Variants in MYO16 observed in about 807,000 individuals in gnomAD.
MYO16 encodes unconventional myosin-XVI.
A neutral mutation model predicts 205.3 loss-of-function variants in MYO16; 94 were observed. That is an observed-to-expected ratio of 0.46 (90% CI 0.39 to 0.54). The LOEUF (loss-of-function observed/expected upper bound fraction) is 0.54, where lower values mean the gene tolerates loss of function less well. Ranked by LOEUF, MYO16 falls within the 20% of genes least tolerant of loss-of-function variation. The probability of loss-of-function intolerance (pLI) is 0.00; values close to 1 mark genes in which losing one functional copy is unlikely to be tolerated. For missense variants in MYO16, 2,315 were observed against 2,387.5 expected (o/e 0.97, Z 0.63); for synonymous variants, 988 against 954.0 (o/e 1.04, Z -0.66).
chr13:108,838,690 T>TATACACACACAC (rs1487944143), intron 9 of MYO16, among the ~76,000 whole-genome samples: 2 of 135,904 alleles, frequency 1.5e-5, no homozygotes, highest in African/African-American at 5.6e-5. Flanking sequence ...TATATATATA[T>TATACACACACAC]ACACACACAC....
chr13:108,990,738 T>C (rs929117016), intron 20 of MYO16, among the ~76,000 whole-genome samples: 23 of 152,156 alleles, frequency 1.5e-4, no homozygotes, highest in Non-Finnish European at 1.5e-5. Context: ...TAAAAAATTC[T>C]CTCCCTCCTA....
chr13:109,171,440 T>A (rs1878918020), intron 33 of MYO16, among the ~76,000 whole-genome samples: 1 of 152,248 alleles, frequency 6.6e-6, no homozygotes, highest in Non-Finnish European at 1.5e-5. Flanking sequence ...GAAACATTTC[T>A]CTTTTGAATG....
intron 28 of MYO16, among the ~76,000 whole-genome samples, chr13:109,116,313 C>T (rs1358831679): frequency 6.6e-6 from 1 of 152,074 alleles, no homozygotes. Flanking sequence ...TTGGTTGTAC[C>T]TCAGCAGTGC....
chr13:108,516,595 C>G, the MYO16 span, among the ~76,000 whole-genome samples: 19,416 of 152,182 alleles, frequency 0.13, 1,400 homozygotes, highest in East Asian at 0.23. Context: ...GCACACGTAA[C>G]AAATTAGTAT....
At chr13:108,623,435 TAGA>T (rs902475887) in intron 1 of MYO16, among the ~76,000 whole-genome samples, 3 of 152,190 alleles carry the variant, frequency 2.0e-5, no homozygotes, top group Admixed American at 6.5e-5. Flanking sequence ...GGAATTCATT[TAGA>T]AGAAGAAAGT....
chr13:108,754,945 G>A (rs772465087), intron 4 of MYO16, among the ~76,000 whole-genome samples: 48 of 151,888 alleles, frequency 3.2e-4, no homozygotes, highest in Middle Eastern at 3.4e-3. Flanking sequence ...TACGTAATAA[G>A]TATGATGAAT....
chr13:109,084,419 G>T (rs1199343992), intron 27 of MYO16, among the ~76,000 whole-genome samples: 1 of 151,936 alleles, frequency 6.6e-6, no homozygotes, highest in Non-Finnish European at 1.5e-5. Context: ...TTACATTGTC[G>T]ATACCCTTTA....
At chr13:108,747,169 T>C (rs990879992) in intron 4 of MYO16, among the ~76,000 whole-genome samples, 1 of 152,158 alleles carries the variant, frequency 6.6e-6, no homozygotes, top group African/African-American at 2.4e-5. Context: ...AAATAAGTTG[T>C]TAAACAACAT....
At chr13:108,657,518 T>G (rs1299030415) in intron 1 of MYO16, among the ~76,000 whole-genome samples, 2 of 152,192 alleles carry the variant, frequency 1.3e-5, no homozygotes, top group African/African-American at 4.8e-5. Flanking sequence ...GGAAAGATGA[T>G]TCTACATTTT....
chr13:108,854,422 A>C (rs1016627384), intron 10 of MYO16, among the ~76,000 whole-genome samples: 1 of 152,166 alleles, frequency 6.6e-6, no homozygotes. Flanking sequence ...TCCTAAATTT[A>C]GTTTTATTAA....
chr13:108,768,232 G>A (rs1041755949), intron 4 of MYO16, among the ~76,000 whole-genome samples: 4 of 152,044 alleles, frequency 2.6e-5, no homozygotes, highest in Non-Finnish European at 5.9e-5. Flanking sequence ...GCTCCTTTGT[G>A]TTCCTATTAC....
the MYO16 span, among the ~76,000 whole-genome samples, chr13:108,495,780 C>T: frequency 6.6e-6 from 1 of 151,230 alleles, no homozygotes; most frequent in Admixed American, 6.6e-5. Context: ...CTCCAGCCGG[C>T]CTGGCTGCGC....
chr13:108,566,692 A>C, the MYO16 span, among the ~76,000 whole-genome samples: 1 of 146,992 alleles, frequency 6.8e-6, no homozygotes, highest in African/African-American at 2.5e-5. Context: ...GAAGGGAAAG[A>C]GAGAGAGAGA....
intron 32 of MYO16, among the ~76,000 whole-genome samples, chr13:109,149,246 C>T (rs1040354034): frequency 2.0e-5 from 3 of 152,172 alleles, no homozygotes; most frequent in African/African-American, 4.8e-5. Flanking sequence ...TACACTGTGA[C>T]GTGTTAATGG....
intron 34 of MYO16, among the ~76,000 whole-genome samples, chr13:109,203,502 C>T (rs1880482343): frequency 6.6e-6 from 1 of 151,860 alleles, no homozygotes; most frequent in Non-Finnish European, 1.5e-5. Flanking sequence ...AAGACATCAG[C>T]TTTCACTCTT....
At chr13:108,794,437 A>C (rs1304391132) in intron 6 of MYO16, among the ~76,000 whole-genome samples, 5 of 152,218 alleles carry the variant, frequency 3.3e-5, no homozygotes, top group African/African-American at 1.2e-4. Flanking sequence ...AGAATTTAAA[A>C]TAATTTTTAT....
chr13:108,652,291 G>A (rs1167783001), intron 1 of MYO16, among the ~76,000 whole-genome samples: 10 of 152,278 alleles, frequency 6.6e-5, no homozygotes, highest in Non-Finnish European at 1.3e-4. Context: ...TTGTAAAATA[G>A]GGTAAACAAT....
chr13:108,735,166 G>A (rs1020754716), intron 4 of MYO16, among the ~76,000 whole-genome samples: 2 of 151,982 alleles, frequency 1.3e-5, no homozygotes, highest in African/African-American at 4.8e-5. Context: ...ACAACCTGCA[G>A]GTTTGTTACA....
intron 12 of MYO16, among the ~76,000 whole-genome samples, chr13:108,882,488 CTT>C (rs368836591): frequency 2.6e-5 from 4 of 152,262 alleles, no homozygotes; most frequent in Non-Finnish European, 4.4e-5. Context: ...TCTTCCTACT[CTT>C]GAGTTTTTAT....
Sources: allele counts gnomAD v4.1 joint callset (sites outside exome capture counted in the v4.1 genomes callset), GRCh38; gene constraint gnomAD v4.1.1; transcripts MANE v1.5; gene names NCBI Gene and HGNC (gene_info 2026-07-23, HGNC 2026-07-21).